The following NEK10 variants were observed in gnomAD, a reference collection of about 807,000 sequenced individuals.
The protein encoded by NEK10 is NIMA related kinase 10.
In NEK10, 122 loss-of-function variants were observed where a neutral mutation model predicts 159.8. The observed-to-expected ratio is 0.76, with a 90% confidence interval of 0.66 to 0.89. NEK10 has a LOEUF of 0.89. Among genes scored for constraint, NEK10 ranks in the 40% least tolerant of loss-of-function variants. NEK10 has a pLI of 0.00. For synonymous variants in NEK10, 466 were observed against 457.1 expected (o/e 1.02, Z -0.25); for missense variants, 1,342 against 1,323.1 (o/e 1.01, Z -0.22).
At chr3:27,140,904 T>C (rs1559505333) in intron 31 of NEK10, among the ~76,000 whole-genome samples, 1 of 151,908 alleles carries the variant, frequency 6.6e-6, no homozygotes. Flanking sequence ...CTTCTTTGTC[T>C]AAAAAAAAGA....
At chr3:27,239,705 T>C (rs979135479) in intron 23 of NEK10, among the ~76,000 whole-genome samples, 22 of 152,074 alleles carry the variant, frequency 1.4e-4, no homozygotes, top group African/African-American at 5.3e-4. Context: ...TTACAAAAAC[T>C]AGGAATGAGC....
chr3:27,228,115 T>C (rs1249134846), intron 23 of NEK10, among the ~76,000 whole-genome samples: 1 of 152,220 alleles, frequency 6.6e-6, no homozygotes, highest in Non-Finnish European at 1.5e-5. Flanking sequence ...TTCTACATAT[T>C]AATCATTATC....
At chr3:27,153,016 C>G (rs1221597903) in intron 30 of NEK10, among the ~76,000 whole-genome samples, 2 of 152,176 alleles carry the variant, frequency 1.3e-5, no homozygotes, top group African/African-American at 4.8e-5. Flanking sequence ...TTATAAAACA[C>G]TAATAGACCT....
chr3:27,143,247 A>G (rs1267299810), intron 30 of NEK10, among the ~76,000 whole-genome samples: 1 of 152,230 alleles, frequency 6.6e-6, no homozygotes, highest in Non-Finnish European at 1.5e-5. Context: ...TGCTACAGAA[A>G]AATTAACTTT....
chr3:27,258,666 C>G (rs1413443010), intron 22 of NEK10, among the ~76,000 whole-genome samples: 1 of 152,084 alleles, frequency 6.6e-6, no homozygotes, highest in Non-Finnish European at 1.5e-5. Flanking sequence ...GTGAATAGTG[C>G]CGCAATAAAC....
chr3:27,348,888 C>G (rs1264234492), intron 3 of NEK10, among the ~76,000 whole-genome samples: 7 of 152,152 alleles, frequency 4.6e-5, no homozygotes, highest in Admixed American at 4.6e-4. Context: ...CAAATGCTCA[C>G]TTTGTTCCCA....
intron 33 of NEK10, among the ~76,000 whole-genome samples, chr3:27,117,119 C>T (rs1315512394): frequency 4.6e-5 from 7 of 152,120 alleles, no homozygotes; most frequent in Admixed American, 3.9e-4. Flanking sequence ...AGGATAATGG[C>T]TTCCAGCTCC....
At position 27,354,724 on chromosome 3, in the gene NEK10, T is replaced by C. The variant is rs149985126; in HGVS notation, c.-37-1805A>G. 3.0e-4 allele frequency among the ~76,000 whole-genome samples: 45 copies of C among 152,236 alleles called. No homozygotes were observed. In the East Asian group the frequency reaches 8.5e-3, roughly 29 times the overall value. On this transcript the variant is annotated intron_variant, in intron 1 of 35. Transcript: ENST00000691995. ...GGCAGACAATGTATTAAGAAAGCAT[T>C]CCCAACAGAGGTCAGGCAAGGGTGC...
At chr3:27,143,572 T>C in intron 30 of NEK10, 1 of 632,582 alleles carries the variant, frequency 1.6e-6, no homozygotes, top group Non-Finnish European at 2.8e-6. Context: ...TTGAGACCCT[T>C]TGACCACTAC....
chr3:27,355,091 A>T (rs902226984), intron 1 of NEK10, among the ~76,000 whole-genome samples: 2 of 152,202 alleles, frequency 1.3e-5, no homozygotes, highest in African/African-American at 2.4e-5. Flanking sequence ...AGCTGTGGGT[A>T]ATGAAGGTAA....
At chr3:27,229,695 A>T (rs1953026999) in intron 23 of NEK10, among the ~76,000 whole-genome samples, 1 of 152,174 alleles carries the variant, frequency 6.6e-6, no homozygotes, top group Admixed American at 6.6e-5. Context: ...ACTTCTGGAA[A>T]TGAAAGACAC....
chr3:27,252,274 G>A (rs528090785), intron 23 of NEK10: 19 of 485,566 alleles, frequency 3.9e-5, no homozygotes, highest in Non-Finnish European at 2.9e-5. Flanking sequence ...TTTGGGGCAA[G>A]TGATCAGGGA....
rs562939417 is a variant in NEK10, at chr3:27,247,851, GTCTGGTTTTTGTATCAGGGTAATAC to G, written c.2090+8420_2090+8444del. Among the ~76,000 whole-genome samples the G allele has an allele frequency of 5.6e-4, 62 of 111,142 alleles. No homozygotes were observed. In the South Asian group the frequency reaches 7.9e-3, roughly 14 times the overall value. 72.9% of individuals were successfully genotyped at this position (111,142 alleles called of 152,430 possible). ...TTTTTTTTTTTCTGGAGGCGTCTTT[GTCTGGTTTTTGTATCAGGGTAATAC>G]TGGCCTCACGGTGTAAGTTTGGAAG... On this transcript the variant is annotated intron_variant, in intron 23 of 35. Transcript: ENST00000691995.
At chr3:27,242,149 C>G (rs73038781) in intron 23 of NEK10, among the ~76,000 whole-genome samples, 4 of 152,314 alleles carry the variant, frequency 2.6e-5, no homozygotes, top group Non-Finnish European at 5.9e-5. Context: ...AGCAATGGGA[C>G]TTTTGGCATT....
intron 30 of NEK10, among the ~76,000 whole-genome samples, chr3:27,153,299 G>T (rs560033071): frequency 6.9e-6 from 1 of 144,468 alleles, no homozygotes; most frequent in South Asian, 2.2e-4. Flanking sequence ...CAGCCTGGGC[G>T]ACAGAGCGAG....
At chr3:27,192,832 T>C (rs970597064) in intron 25 of NEK10, among the ~76,000 whole-genome samples, 1 of 152,190 alleles carries the variant, frequency 6.6e-6, no homozygotes, top group African/African-American at 2.4e-5. Context: ...AGTCATCTCC[T>C]TGCCCAAGGT....
chr3:27,322,292 C>T (rs987965685), intron 5 of NEK10, 31 bp from the exon 6 acceptor site: 7 of 1,312,440 alleles, frequency 5.3e-6, no homozygotes, highest in Middle Eastern at 3.6e-4. Flanking sequence ...AACATGTTCA[C>T]GTTTAAAATC....
intron 26 of NEK10, among the ~76,000 whole-genome samples, chr3:27,189,496 A>T (rs544749336): frequency 6.6e-6 from 1 of 152,154 alleles, no homozygotes; most frequent in African/African-American, 2.4e-5. Flanking sequence ...TGGATTGTGT[A>T]ACTGCATTAT....
At chr3:27,226,312 T>C (rs562920089) in intron 23 of NEK10, among the ~76,000 whole-genome samples, 67 of 151,878 alleles carry the variant, frequency 4.4e-4, no homozygotes, top group African/African-American at 1.5e-3. Context: ...CCCAAAGTGC[T>C]AGGATTACAG....
Sources: gnomAD v4.1 joint callset for allele counts (sites outside exome capture counted in the v4.1 genomes callset) on GRCh38, gnomAD v4.1.1 for gene constraint, MANE v1.5 for transcripts, NCBI Gene and HGNC (gene_info 2026-07-23, HGNC 2026-07-21) for gene names.